The following SUGCT variants were observed in gnomAD, a reference collection of about 807,000 sequenced individuals.
The protein encoded by SUGCT is succinyl-CoA:glutarate-CoA transferase.
Under a neutral mutation model 55.0 loss-of-function variants are expected in SUGCT, and 41 were observed. The ratio of observed to expected loss-of-function variants is 0.74; its 90% CI spans 0.58 to 0.97. The LOEUF (loss-of-function observed/expected upper bound fraction) is 0.97, where lower values mean the gene tolerates loss of function less well. SUGCT is among the 50% of genes least tolerant of loss of function. The pLI, the probability that SUGCT is intolerant of heterozygous loss-of-function variation, is 0.00. For synonymous variants in SUGCT, 187 were observed against 200.4 expected (o/e 0.93, Z 0.56); for missense variants, 568 against 547.8 (o/e 1.04, Z -0.37).
chr7:40,937,324 A>G, the SUGCT span, among the ~76,000 whole-genome samples: 1 of 152,014 alleles, frequency 6.6e-6, no homozygotes, highest in East Asian at 1.9e-4. Context: ...GCCTGCCACT[A>G]TGCCCAGCAA....
At chr7:40,736,708 A>G (rs886449844) in intron 12 of SUGCT, among the ~76,000 whole-genome samples, 1 of 152,140 alleles carries the variant, frequency 6.6e-6, no homozygotes, top group Non-Finnish European at 1.5e-5. Flanking sequence ...ACAGAAGGTT[A>G]ACTGTCAGCT....
chr7:40,804,949 CTT>C (rs1338561215), intron 13 of SUGCT, among the ~76,000 whole-genome samples: 3 of 152,150 alleles, frequency 2.0e-5, no homozygotes, highest in Non-Finnish European at 4.4e-5. Context: ...CAAAACCAGC[CTT>C]GTTTCATCTG....
intron 12 of SUGCT, among the ~76,000 whole-genome samples, chr7:40,700,754 T>C (rs1446279159): frequency 2.0e-5 from 3 of 152,142 alleles, no homozygotes; most frequent in Admixed American, 6.5e-5. Flanking sequence ...GAGCAGGTAG[T>C]GTATTTTGTT....
chr7:40,273,614 A>G (rs985601650), intron 7 of SUGCT, among the ~76,000 whole-genome samples: 1 of 152,188 alleles, frequency 6.6e-6, no homozygotes, highest in Non-Finnish European at 1.5e-5. Context: ...GTCAAATCAG[A>G]CTGACATGAA....
At chr7:40,854,255 T>C (rs1383094187) in intron 13 of SUGCT, among the ~76,000 whole-genome samples, 1 of 152,220 alleles carries the variant, frequency 6.6e-6, no homozygotes, top group African/African-American at 2.4e-5. Flanking sequence ...TAAGGCTTTT[T>C]GTCTTCTTAG....
chr7:40,664,674 AAATTT>A (rs1801510486), intron 12 of SUGCT, among the ~76,000 whole-genome samples: 2 of 152,208 alleles, frequency 1.3e-5, no homozygotes, highest in African/African-American at 2.4e-5. Flanking sequence ...ATAATCTTTT[AAATTT>A]AATTAAAATC....
At chr7:40,237,263 G>A (rs893666043) in intron 6 of SUGCT, among the ~76,000 whole-genome samples, 1 of 151,884 alleles carries the variant, frequency 6.6e-6, no homozygotes, top group Non-Finnish European at 1.5e-5. Context: ...GGCCAACATG[G>A]CGAAACCTTG....
At chr7:40,864,526 A>G (rs1018965772), downstream of SUGCT, among the ~76,000 whole-genome samples, 1 of 151,822 alleles carries the variant, frequency 6.6e-6, no homozygotes, top group East Asian at 1.9e-4. Flanking sequence ...AGCAGAAGCA[A>G]CTCCACTAGA....
chr7:40,198,183 A>T (rs1295093231), intron 6 of SUGCT, among the ~76,000 whole-genome samples: 1 of 152,210 alleles, frequency 6.6e-6, no homozygotes. Flanking sequence ...CAGTTATTAG[A>T]ATAACATCTA....
At chr7:40,839,968 CA>C (rs139342457) in intron 13 of SUGCT, among the ~76,000 whole-genome samples, 16 of 145,888 alleles carry the variant, frequency 1.1e-4, no homozygotes, top group Admixed American at 1.4e-4. Flanking sequence ...AATCTGTTTT[CA>C]AAAAAAAAAG....
chr7:40,954,726 G>T, the SUGCT span, among the ~76,000 whole-genome samples: 1 of 152,146 alleles, frequency 6.6e-6, no homozygotes. Context: ...CCTATGTCCT[G>T]AGTGATATTC....
At chr7:40,818,915 C>G (rs1172715232) in intron 13 of SUGCT, among the ~76,000 whole-genome samples, 2 of 112,448 alleles carry the variant, frequency 1.8e-5, no homozygotes, top group Non-Finnish European at 3.5e-5. Flanking sequence ...CCCCTCCCCC[C>G]ACCCCACAAC....
At chr7:40,847,398 CT>C (rs1793612777) in intron 13 of SUGCT, among the ~76,000 whole-genome samples, 2 of 133,264 alleles carry the variant, frequency 1.5e-5, no homozygotes, top group Non-Finnish European at 3.2e-5. Context: ...ATATACATTT[CT>C]TTTCTTTCTT....
intron 13 of SUGCT, chr7:40,785,204 G>C (rs1227343451): frequency 6.6e-6 from 1 of 152,142 alleles, no homozygotes; most frequent in African/African-American, 2.4e-5. Flanking sequence ...CTGCTGGATT[G>C]TCCACTCCTG....
chr7:40,208,806 A>T (rs79040971), intron 6 of SUGCT, among the ~76,000 whole-genome samples: 1 of 152,088 alleles, frequency 6.6e-6, no homozygotes, highest in African/African-American at 2.4e-5. Context: ...CAGACTCCCA[A>T]AGTGCTAGGA....
chr7:40,173,196 C>A (rs1784759620), intron 1 of SUGCT, among the ~76,000 whole-genome samples: 1 of 152,172 alleles, frequency 6.6e-6, no homozygotes, highest in African/African-American at 2.4e-5. Flanking sequence ...CCGTGGAACC[C>A]AGTGACTAGT....
rs113528033 is a variant in SUGCT, at chr7:40,792,767, A to G, written c.1153+43270A>G. On this transcript the variant is annotated intron_variant, in intron 13 of 13. Transcript: ENST00000335693. ...TTTTAAAGACAGTTTGATTTTGAGT[A>G]TGTCAGCTTTCATGGGACTGAGAAC... Among the ~76,000 whole-genome samples the G allele has an allele frequency of 5.8e-3, 876 of 152,222 alleles. 8 individuals carry two copies. Among genetic ancestry groups the G allele is most frequent in the African/African-American group, 0.02 (820 of 41,560 alleles).
the SUGCT span, among the ~76,000 whole-genome samples, chr7:40,977,466 A>T: frequency 6.6e-6 from 1 of 152,232 alleles, no homozygotes; most frequent in African/African-American, 2.4e-5. Flanking sequence ...AGCAACTTGT[A>T]TGTGCTATCT....
the SUGCT span, among the ~76,000 whole-genome samples, chr7:40,894,002 C>T: frequency 2.7e-5 from 4 of 148,836 alleles, no homozygotes; most frequent in East Asian, 2.0e-4. Flanking sequence ...CAGAGTGAGC[C>T]GAGATCATGC....
Sources: allele counts gnomAD v4.1 joint callset (sites outside exome capture counted in the v4.1 genomes callset), GRCh38; gene constraint gnomAD v4.1.1; transcripts MANE v1.5; gene names NCBI Gene and HGNC (gene_info 2026-07-23, HGNC 2026-07-21).